Variants in SMOC1 observed in about 807,000 individuals in gnomAD.
SMOC1 encodes SPARC related modular calcium binding 1, also known as SPARC-related modular calcium-binding protein 1.
In SMOC1, 22 loss-of-function variants were observed where a neutral mutation model predicts 56.3. The observed-to-expected ratio is 0.39, with a 90% CI of 0.28 to 0.56. The LOEUF (loss-of-function observed/expected upper bound fraction) is 0.56. Ranked by LOEUF, SMOC1 falls within the 20% of genes least tolerant of loss-of-function variation. SMOC1 has a pLI of 0.61. For missense variants in SMOC1, 509 were observed against 565.4 expected (o/e 0.90, Z 1.01); for synonymous variants, 193 against 215.0 (o/e 0.90, Z 0.89).
At chr14:69,994,303 G>C (rs1447978757) in intron 6 of SMOC1, 97 bp from the exon 7 acceptor site, 2 of 985,628 alleles carry the variant, frequency 2.0e-6, no homozygotes, top group African/African-American at 3.2e-5. Context: ...CAATGCCTCA[G>C]ACTTTGAAAA....
In SMOC1 at chr14:69,985,674, A is replaced by G. The variant is rs1884338962; in HGVS notation, c.527-6743A>G. On this transcript the variant is annotated intron_variant, in intron 5 of 11. Coordinates refer to ENST00000361956, the MANE Select transcript of SMOC1 (RefSeq NM_001034852.3). ...ATCTCACACTGTCCTGCTCCCTCCC[A>G]TCTGGGATGTGAATCATGACTTTGT... is the stretch of plus-strand genomic sequence containing the variant. 2.0e-5 allele frequency among the ~76,000 whole-genome samples: 3 copies of G among 152,270 alleles called. No homozygotes were observed. The South Asian group carries it at 6.2e-4, about 32-fold the overall frequency.
At position 69,907,914 on chromosome 14, in the gene SMOC1, A is replaced by G. The variant is rs541061939; in HGVS notation, c.99+28137A>G. Among the ~76,000 whole-genome samples the G allele has an allele frequency of 3.9e-5, 6 of 152,308 alleles. 1 individual carries two copies. The South Asian group carries it at 1.2e-3, about 32-fold the overall frequency. Reference sequence around the variant, plus strand: ...GGGGTCTCACTCTGGCCTCCTTTATAAAGGCTCTAATGCCATTCATGAGGT... The same window carrying G: ...GGGGTCTCACTCTGGCCTCCTTTATGAAGGCTCTAATGCCATTCATGAGGT... On this transcript the variant is annotated intron_variant, in intron 1 of 11. Transcript: ENST00000361956.
intron 5 of SMOC1, 137 bp downstream of exon 5, chr14:69,978,102 G>A: frequency 1.3e-6 from 1 of 778,114 alleles, no homozygotes. Context: ...CTTATTCCAT[G>A]TTTCCTCTCT....
chr14:69,949,632 C>G (rs1882920713), intron 1 of SMOC1, among the ~76,000 whole-genome samples: 1 of 152,164 alleles, frequency 6.6e-6, no homozygotes, highest in South Asian at 2.1e-4. Flanking sequence ...GAGCCAAAAT[C>G]CGAAGCAGGG....
rs144725298 is a variant in SMOC1 at position 69,942,561 on chromosome 14, C to G, written c.100-9577C>G. Among the ~76,000 whole-genome samples, 1,318 of 152,304 alleles carry G rather than the reference C, an allele frequency of 8.7e-3. 14 individuals carry two copies. The highest frequency in any genetic ancestry group is 0.03 in the South Asian group (145 of 4,830). ...TTTCCATCGCCCACAAACATGTTCT[C>G]CTGCTTCTCTCCTTATCTCCAGTCC... On this transcript the variant is annotated intron_variant, in intron 1 of 11. Coordinates refer to ENST00000361956, the MANE Select transcript of SMOC1 (RefSeq NM_001034852.3).
chr14:69,884,331 C>A (rs1399572482), intron 1 of SMOC1, among the ~76,000 whole-genome samples: 1 of 151,816 alleles, frequency 6.6e-6, no homozygotes, highest in Non-Finnish European at 1.5e-5. Context: ...GATTTGAGTT[C>A]TCTGTGTACT....
chr14:69,936,581 A>G (rs970466404), intron 1 of SMOC1, among the ~76,000 whole-genome samples: 10 of 152,254 alleles, frequency 6.6e-5, no homozygotes, highest in African/African-American at 2.4e-4. Flanking sequence ...AGCTTCGCTC[A>G]GTCCCTGGCC....
intron 3 of SMOC1, among the ~76,000 whole-genome samples, chr14:69,954,529 G>A (rs1883119708): frequency 6.6e-6 from 1 of 152,206 alleles, no homozygotes; most frequent in South Asian, 2.1e-4. Flanking sequence ...TCTCAGGAAA[G>A]CTTCTGGGCT....
chr14:69,881,350 G>A (rs1427369449), intron 1 of SMOC1, among the ~76,000 whole-genome samples: 2 of 152,120 alleles, frequency 1.3e-5, no homozygotes, highest in East Asian at 1.9e-4. Context: ...CAGGAGGGTC[G>A]AAAGGAGAGA....
At chr14:69,884,158 G>A (rs945891307) in intron 1 of SMOC1, among the ~76,000 whole-genome samples, 11 of 151,042 alleles carry the variant, frequency 7.3e-5, no homozygotes, top group East Asian at 3.9e-4. Context: ...CACCCGCCTC[G>A]GCCTCCCAAA....
chr14:69,879,686 C>G lies in SMOC1; in HGVS notation c.8C>G (p.Pro3Arg). The change falls in exon 1 of 12, where the codon CCC becomes CGC. Residue 3 changes from proline to arginine, a missense_variant. Transcript: ENST00000361956. ML[P>R]ARCARLLTPH... ...CCCAGCCTGGCTGGCACCATGCTGC[C>G]CGCGCGCTGCGCCCGCCTGCTCACG... 1 of 1,564,702 alleles carries G rather than the reference C, an allele frequency of 6.4e-7. No individual in the cohort carries two copies. Among genetic ancestry groups the G allele is most frequent in the Non-Finnish European group, 8.6e-7 (1 of 1,165,038 alleles).
chr14:69,951,850 T>A (rs1210308459), intron 1 of SMOC1, among the ~76,000 whole-genome samples: 1 of 152,134 alleles, frequency 6.6e-6, no homozygotes, highest in Non-Finnish European at 1.5e-5. Flanking sequence ...CAGAATAGAG[T>A]TTCTATTTCA....
chr14:69,978,745 A>C (rs1476266621), intron 5 of SMOC1, among the ~76,000 whole-genome samples: 1 of 152,124 alleles, frequency 6.6e-6, no homozygotes, highest in Non-Finnish European at 1.5e-5. Flanking sequence ...AGTGCCTTTA[A>C]TGGCACTTTT....
At chr14:69,936,346 G>A (rs1482451397) in intron 1 of SMOC1, among the ~76,000 whole-genome samples, 1 of 152,236 alleles carries the variant, frequency 6.6e-6, no homozygotes, top group African/African-American at 2.4e-5. Context: ...AGCTGAAGAG[G>A]GAGACTACGT....
intron 10 of SMOC1, among the ~76,000 whole-genome samples, chr14:70,014,237 A>C (rs1885432430): frequency 6.6e-6 from 1 of 152,218 alleles, no homozygotes; most frequent in Non-Finnish European, 1.5e-5. Context: ...CGGGGATACT[A>C]GACCATAGAT....
At chr14:69,888,672 C>CT (rs35906257) in intron 1 of SMOC1, among the ~76,000 whole-genome samples, 76,199 of 150,450 alleles carry the variant, frequency 0.51, 21,538 homozygotes, top group East Asian at 0.77. Context: ...GGCTGAAAGC[C>CT]TTTTTTTTTT....
chr14:69,962,026 A>C (rs185665239), intron 3 of SMOC1, among the ~76,000 whole-genome samples: 63 of 152,262 alleles, frequency 4.1e-4, no homozygotes, highest in African/African-American at 1.5e-3. Flanking sequence ...GCATCTTTTC[A>C]TGTGCTTTTT....
chr14:70,016,935 G>A (rs1004814601), intron 10 of SMOC1, among the ~76,000 whole-genome samples: 5 of 152,108 alleles, frequency 3.3e-5, no homozygotes, highest in Non-Finnish European at 5.9e-5. Context: ...CATATATCAC[G>A]GTCTGATATT....
At chr14:69,929,200 G>A (rs1041766980) in intron 1 of SMOC1, among the ~76,000 whole-genome samples, 10 of 152,172 alleles carry the variant, frequency 6.6e-5, no homozygotes, top group African/African-American at 2.4e-4. Flanking sequence ...GAGGGAGGAG[G>A]CACCCCATTT....
Sources: gnomAD v4.1 joint callset for allele counts (sites outside exome capture counted in the v4.1 genomes callset) on GRCh38, gnomAD v4.1.1 for gene constraint, MANE v1.5 for transcripts, NCBI Gene and HGNC (gene_info 2026-07-23, HGNC 2026-07-21) for gene names.